Variants in HECTD4 observed in about 807,000 individuals in gnomAD.
HECTD4 encodes probable E3 ubiquitin-protein ligase HECTD4.
A neutral mutation model predicts 471.5 loss-of-function variants in HECTD4; 114 were observed. The observed-to-expected ratio is 0.24, with a 90% CI of 0.21 to 0.28. The LOEUF (loss-of-function observed/expected upper bound fraction) is 0.28, where lower values mean the gene tolerates loss of function less well. Ranked by LOEUF, HECTD4 falls within the 10% of genes least tolerant of loss-of-function variation. HECTD4 has a pLI of 1.00. For synonymous variants in HECTD4, 2,012 were observed against 2,256.0 expected (o/e 0.89, Z 3.07); for missense variants, 3,866 against 5,651.5 (o/e 0.68, Z 10.13).
Position 112,169,939 on chromosome 12 carries a change from C to A in HECTD4, c.12053-281G>T, listed in dbSNP as rs370464578. On this transcript the variant is annotated intron_variant, in intron 69 of 75. Transcript: ENST00000682272. ...TGCCTCTTGGGGAGGTCCTCGCCCC[C>A]CAACTCCTCTCTCGTTTCCTCTGCG... The A allele has an allele frequency of 2.0e-4, 113 of 572,732 alleles. 1 individual carries two copies. The highest frequency in any genetic ancestry group is 1.7e-3 in the East Asian group (57 of 33,762). The allele number at this position is 572,732 out of a possible 1,614,324, so 35.5% of individuals were successfully genotyped here. A position where few individuals can be genotyped will look rare whatever the true frequency, so the allele number is the denominator to read the frequency against.
chr12:112,240,093 G>A, intron 32 of HECTD4, 66 bp from the exon 33 acceptor site: 1 of 1,529,990 alleles, frequency 6.5e-7, no homozygotes. Context: ...GAGCAGGAGA[G>A]GCCTCTTGAG....
chr12:112,176,611 T>C lies in HECTD4; in HGVS notation c.11455A>G (p.Thr3819Ala). 6.2e-7 allele frequency: 1 copy of C among 1,613,188 alleles called. No homozygotes were observed. The highest frequency in any genetic ancestry group is 8.5e-7 in the Non-Finnish European group (1 of 1,179,122). ...GCTCATTCACCTTCTTGTTTTTTGG[T>C]AGGTGACTTTTCTGGGTCCTTTTCA... ...PDEKDPEKSPTKKQEVPEEKY... is the reference protein window; with the variant it reads ...PDEKDPEKSPAKKQEVPEEKY... Residue 3819 changes from threonine (T) to alanine (A), a missense_variant, in exon 65 of 76, where the codon ACC (threonine) becomes GCC (alanine). By Grantham distance (58) the Thr-to-Ala change is moderately conservative (BLOSUM62 0). Transcript: ENST00000682272.
Position 112,301,041 on chromosome 12 carries a change from T to C in HECTD4, c.1335+5023A>G, listed in dbSNP as rs12578921. 0.056 allele frequency among the ~76,000 whole-genome samples: 8,403 copies of C among 150,770 alleles called. 1,261 individuals carry two copies. The East Asian group carries it at 0.61, about 11-fold the overall frequency. ...CTGGGACTACAGGTGCCTGCCACCA[T>C]GCCCGGCTAATTTTTTTTTTATTTT... On this transcript the variant is annotated intron_variant, in intron 7 of 75. Coordinates refer to ENST00000682272, the MANE Select transcript of HECTD4 (RefSeq NM_001388303.1).
chr12:112,365,354 C>T (rs1248306114), intron 1 of HECTD4, among the ~76,000 whole-genome samples: 2 of 152,142 alleles, frequency 1.3e-5, no homozygotes, highest in African/African-American at 4.8e-5. Context: ...TACGATAGTG[C>T]CACTGCACTC....
intron 1 of HECTD4, among the ~76,000 whole-genome samples, chr12:112,354,815 A>T (rs2135741251): frequency 6.6e-6 from 1 of 152,282 alleles, no homozygotes; most frequent in Admixed American, 6.5e-5. Context: ...TATGCTGGTT[A>T]TTCCAATCCT....
chr12:112,344,938 G>A (rs2036121171), intron 1 of HECTD4, among the ~76,000 whole-genome samples: 1 of 151,516 alleles, frequency 6.6e-6, no homozygotes, highest in Admixed American at 6.6e-5. Flanking sequence ...AAAGAGAAGA[G>A]AAGAGAAGAG....
intron 45 of HECTD4, among the ~76,000 whole-genome samples, chr12:112,218,417 G>GC (rs895640901): frequency 6.6e-5 from 10 of 152,022 alleles, no homozygotes; most frequent in Non-Finnish European, 1.3e-4. Flanking sequence ...ACTCTCCTTT[G>GC]CCCCCACAGC....
intron 29 of HECTD4, 49 bp downstream of exon 29, chr12:112,246,852 T>A (rs745498275): frequency 3.0e-5 from 45 of 1,487,854 alleles, no homozygotes; most frequent in Non-Finnish European, 3.8e-5. Flanking sequence ...CAGAGTATAT[T>A]CTCTGTTCAT....
chr12:112,233,923 G>C (rs760740320), intron 37 of HECTD4, among the ~76,000 whole-genome samples: 1 of 152,096 alleles, frequency 6.6e-6, no homozygotes, highest in Non-Finnish European at 1.5e-5. Context: ...CCCTCACCTT[G>C]ACAATAAAGG....
intron 1 of HECTD4, among the ~76,000 whole-genome samples, chr12:112,378,733 A>C (rs2036831553): frequency 1.3e-5 from 2 of 152,158 alleles, no homozygotes; most frequent in Admixed American, 1.3e-4. Context: ...TGGTATTTCA[A>C]AAGATAGCTT....
chr12:112,182,283 T>C (rs1029130414), intron 62 of HECTD4, among the ~76,000 whole-genome samples: 2 of 149,866 alleles, frequency 1.3e-5, no homozygotes, highest in Admixed American at 6.7e-5. Flanking sequence ...CCGGGCAACA[T>C]AGGAAGACCC....
At chr12:112,306,030 C>A in intron 7 of HECTD4, 34 bp downstream of exon 7, 1 of 1,567,246 alleles carries the variant, frequency 6.4e-7, no homozygotes, top group Non-Finnish European at 8.6e-7. Flanking sequence ...AGAAATGTTT[C>A]TGCAAAGATA....
intron 7 of HECTD4, among the ~76,000 whole-genome samples, chr12:112,292,148 C>T (rs1350460976): frequency 1.3e-5 from 2 of 152,138 alleles, no homozygotes; most frequent in Non-Finnish European, 2.9e-5. Flanking sequence ...CCAACTTCAT[C>T]TCCCATTACT....
intron 34 of HECTD4, among the ~76,000 whole-genome samples, chr12:112,238,717 A>C (rs1318532283): frequency 6.6e-6 from 1 of 152,070 alleles, no homozygotes; most frequent in African/African-American, 2.4e-5. Flanking sequence ...TGGGTGACAG[A>C]CCTTGTGTCT....
At chr12:112,379,706 A>G (rs1402672869) in intron 1 of HECTD4, among the ~76,000 whole-genome samples, 1 of 147,192 alleles carries the variant, frequency 6.8e-6, no homozygotes, top group African/African-American at 2.5e-5. Context: ...AATAAAAAAT[A>G]AAAAGATTTT....
At chr12:112,208,133 C>G (rs546053046) in intron 51 of HECTD4, 133 bp from the exon 52 acceptor site, 239 of 1,045,206 alleles carry the variant, frequency 2.3e-4, no homozygotes, top group Non-Finnish European at 2.2e-5. Flanking sequence ...CAGACATAGA[C>G]CCCTGTACTA....
chr12:112,184,613 C>T lies in HECTD4; in HGVS notation c.10353G>A (p.Gly3451=). The change falls in exon 61 of 76, where the codon GGG becomes GGA. Residue 3451 remains glycine, a synonymous_variant. Coordinates refer to ENST00000682272, the MANE Select transcript of HECTD4 (RefSeq NM_001388303.1). This position sits in a 1 kb window ranked among gnomAD's most constrained non-coding sequence, Gnocchi z 9.1. The stretch of plus-strand genomic sequence containing the variant: ...TCTTCTCGGGCTCAACTTTCCCGTC[C>T]CCGCCCTCGGCCTTGTCTTTTGGCT... ...TKKPKDKAEG[G]DGKVEPEKTL... The T allele has an allele frequency of 6.2e-7, 1 of 1,613,886 alleles. No homozygotes were observed. Among genetic ancestry groups the T allele is most frequent in the Non-Finnish European group, 8.5e-7 (1 of 1,179,874 alleles).
chr12:112,229,335 C>CAAAA (rs2033317992), intron 41 of HECTD4, among the ~76,000 whole-genome samples: 1 of 151,486 alleles, frequency 6.6e-6, no homozygotes, highest in South Asian at 2.1e-4. Context: ...TCAAAACAAA[C>CAAAA]AAACAAACAA....
chr12:112,250,400 C>T (rs1332386911), intron 24 of HECTD4, 23 bp from the exon 25 acceptor site: 1 of 1,514,706 alleles, frequency 6.6e-7, no homozygotes, highest in Non-Finnish European at 9.2e-7. Context: ...AAAAGAGGCT[C>T]TTCACTTCCT....
Sources: gnomAD v4.1 joint callset for allele counts (sites outside exome capture counted in the v4.1 genomes callset) on GRCh38, gnomAD v4.1.1 for gene constraint, Gnocchi (gnomAD v3.1) non-coding constraint, MANE v1.5 for transcripts, NCBI Gene and HGNC (gene_info 2026-07-23, HGNC 2026-07-21) for gene names.